TMCC3: variants seen among roughly 807,000 people sequenced by gnomAD.
TMCC3 encodes transmembrane and coiled-coil domain family 3.
TMCC3 carries 28 observed loss-of-function variants against 40.2 expected under a neutral mutation model. The observed-to-expected ratio is 0.70, with a 90% confidence interval of 0.52 to 0.95. The LOEUF is 0.95. TMCC3 is among the 40% of genes least tolerant of loss of function. TMCC3 has a pLI of 0.00. For synonymous variants in TMCC3, 255 were observed against 248.5 expected (o/e 1.03, Z -0.25); for missense variants, 554 against 615.2 (o/e 0.90, Z 1.05).
At chr12:94,597,271 C>T (rs191680497) in intron 1 of TMCC3, among the ~76,000 whole-genome samples, 1 of 151,270 alleles carries the variant, frequency 6.6e-6, no homozygotes, top group Non-Finnish European at 1.5e-5. Context: ...ACTATGATTG[C>T]TCCCTTGCAC....
At chr12:94,589,661 G>A (rs2068660216) in intron 1 of TMCC3, among the ~76,000 whole-genome samples, 1 of 151,668 alleles carries the variant, frequency 6.6e-6, no homozygotes, top group East Asian at 1.9e-4. Flanking sequence ...GCAGAGCCAG[G>A]CTGGAAATTC....
intron 1 of TMCC3, chr12:94,616,083 G>T: frequency 1.0e-6 from 1 of 985,338 alleles, no homozygotes; most frequent in Non-Finnish European, 1.2e-6. Context: ...ACATTATCTC[G>T]GGGTATTCCT....
intron 1 of TMCC3, among the ~76,000 whole-genome samples, chr12:94,612,238 C>T (rs1012925280): frequency 2.0e-5 from 3 of 151,134 alleles, no homozygotes; most frequent in Non-Finnish European, 4.4e-5. Context: ...GGGTTTCAAG[C>T]AATCCGCCTG....
At chr12:94,584,235 G>T (rs923528316) in intron 1 of TMCC3, among the ~76,000 whole-genome samples, 4 of 152,074 alleles carry the variant, frequency 2.6e-5, no homozygotes, top group African/African-American at 9.7e-5. Flanking sequence ...TCTCATGGTA[G>T]TGAGTCCTCC....
At chr12:94,598,061 C>A (rs2068729212) in intron 1 of TMCC3, among the ~76,000 whole-genome samples, 1 of 152,162 alleles carries the variant, frequency 6.6e-6, no homozygotes, top group Non-Finnish European at 1.5e-5. Flanking sequence ...AAAAGAGAAG[C>A]CACCAGTTAC....
chr12:94,628,671 G>A (rs906692690), intron 1 of TMCC3, among the ~76,000 whole-genome samples: 1 of 152,232 alleles, frequency 6.6e-6, no homozygotes, highest in East Asian at 1.9e-4. Flanking sequence ...AGGGGAGCCT[G>A]TGCTGCAGAA....
intron 1 of TMCC3, among the ~76,000 whole-genome samples, chr12:94,594,232 C>CACACACACACACACAG (rs1446763750): frequency 6.8e-6 from 1 of 147,820 alleles, no homozygotes; most frequent in African/African-American, 2.6e-5. Flanking sequence ...CACACACACA[C>CACACACACACACACAG]AGAGTGAGAG....
intron 3 of TMCC3, among the ~76,000 whole-genome samples, chr12:94,577,466 G>A (rs943729630): frequency 6.6e-6 from 1 of 152,102 alleles, no homozygotes; most frequent in East Asian, 1.9e-4. Flanking sequence ...GTGAGCCACC[G>A]CGCCTGGCCA....
At chr12:94,646,476 TC>T (rs2069019301) in intron 1 of TMCC3, among the ~76,000 whole-genome samples, 1 of 145,830 alleles carries the variant, frequency 6.9e-6, no homozygotes, top group African/African-American at 2.6e-5. Flanking sequence ...CTCACTCTTG[TC>T]CCCCAGGCTG....
chr12:94,649,044 C>G (rs1444985702), intron 1 of TMCC3, among the ~76,000 whole-genome samples: 2 of 152,188 alleles, frequency 1.3e-5, no homozygotes, highest in Non-Finnish European at 2.9e-5. Flanking sequence ...TCACAGCAAA[C>G]TGTTACGAAA....
chr12:94,648,439 C>T (rs2069032988), intron 1 of TMCC3, among the ~76,000 whole-genome samples: 1 of 152,108 alleles, frequency 6.6e-6, no homozygotes, highest in African/African-American at 2.4e-5. Flanking sequence ...CTCGGCCAGG[C>T]TGGTCTTGAA....
intron 1 of TMCC3, among the ~76,000 whole-genome samples, chr12:94,643,963 T>C (rs1206362075): frequency 6.6e-6 from 1 of 152,250 alleles, no homozygotes; most frequent in Non-Finnish European, 1.5e-5. Context: ...AAAAGTGGGA[T>C]ATTGTGGAAG....
chr12:94,633,006 T>A (rs2068941473), intron 1 of TMCC3, among the ~76,000 whole-genome samples: 1 of 152,054 alleles, frequency 6.6e-6, no homozygotes, highest in African/African-American at 2.4e-5. Context: ...CTTGGGAGGC[T>A]GAGGCAGGAG....
rs950642812 is a variant in TMCC3, at chr12:94,567,420, C to T, written c.*4015G>A. ...TGAAATATTTCTCTTAGGACAAACA[C>T]AGTAGACATGCTTTAAATAAATTAA... is the stretch of plus-strand genomic sequence containing the variant. On this transcript the variant is annotated 3_prime_UTR_variant, in exon 4 of 4. Transcript: ENST00000261226. The T allele has an allele frequency of 2.6e-5, 4 of 152,208 alleles. No homozygotes were observed. Among genetic ancestry groups the T allele is most frequent in the African/African-American group, 9.6e-5 (4 of 41,464 alleles). The allele number at this position is 152,208 out of a possible 1,614,324, so 9.4% of individuals were successfully genotyped here. A position where few individuals can be genotyped will look rare whatever the true frequency, so the allele number is the denominator to read the frequency against.
chr12:94,646,585 C>T (rs2069020208), intron 1 of TMCC3, among the ~76,000 whole-genome samples: 2 of 151,726 alleles, frequency 1.3e-5, no homozygotes, highest in South Asian at 4.2e-4. Context: ...ATTACAGGCA[C>T]CTGCCACCAT....
At chr12:94,593,416 A>G (rs1171036575) in intron 1 of TMCC3, among the ~76,000 whole-genome samples, 2 of 42,142 alleles carry the variant, frequency 4.7e-5, no homozygotes, top group African/African-American at 1.7e-4. Context: ...AGAAGGAAGA[A>G]GAAGAAGGAA....
intron 1 of TMCC3, 76 bp downstream of exon 1, chr12:94,650,277 G>C: frequency 1.0e-6 from 1 of 959,868 alleles, no homozygotes; most frequent in Non-Finnish European, 1.3e-6. Flanking sequence ...GCGTGGGTTA[G>C]CACTGAGCCG....
chr12:94,637,482 A>G (rs2068966579), intron 1 of TMCC3, among the ~76,000 whole-genome samples: 1 of 152,236 alleles, frequency 6.6e-6, no homozygotes, highest in African/African-American at 2.4e-5. Flanking sequence ...GGGTAAAGGC[A>G]TGTTCACACA....
chr12:94,590,746 T>C (rs2068668921), intron 1 of TMCC3: 1 of 386,296 alleles, frequency 2.6e-6, no homozygotes, highest in Admixed American at 3.3e-5. Context: ...AGCGGGGTTG[T>C]GTCCTCACGC....
Sources: gnomAD v4.1 joint callset for allele counts (sites outside exome capture counted in the v4.1 genomes callset) on GRCh38, gnomAD v4.1.1 for gene constraint, MANE v1.5 for transcripts, NCBI Gene and HGNC (gene_info 2026-07-23, HGNC 2026-07-21) for gene names.